The following ARMC9 variants were observed in gnomAD, a reference collection of about 807,000 sequenced individuals.
ARMC9 encodes the protein armadillo repeat containing 9.
Under a neutral mutation model 107.0 loss-of-function variants are expected in ARMC9, and 94 were observed. That is an observed-to-expected ratio of 0.88 (90% CI 0.74 to 1.04). The LOEUF (loss-of-function observed/expected upper bound fraction) is 1.04. Ranked by LOEUF, ARMC9 falls within the 50% of genes least tolerant of loss-of-function variation. The pLI, the probability that ARMC9 is intolerant of heterozygous loss-of-function variation, is 0.00. For missense variants in ARMC9, 942 were observed against 1,030.1 expected (o/e 0.91, Z 1.17); for synonymous variants, 380 against 396.9 (o/e 0.96, Z 0.51).
At chr2:231,242,003 G>T (rs2036344119) in intron 9 of ARMC9, among the ~76,000 whole-genome samples, 1 of 152,068 alleles carries the variant, frequency 6.6e-6, no homozygotes, top group African/African-American at 2.4e-5. Flanking sequence ...GCATATGCAG[G>T]CTAGGAACCA....
intron 20 of ARMC9, among the ~76,000 whole-genome samples, chr2:231,339,531 G>A (rs2044361927): frequency 6.6e-6 from 1 of 152,126 alleles, no homozygotes; most frequent in African/African-American, 2.4e-5. Context: ...CTCCTGGGTG[G>A]CATTAAGCAA....
intron 1 of ARMC9, among the ~76,000 whole-genome samples, chr2:231,205,189 C>CCTGTCTCT (rs1474615304): frequency 6.6e-6 from 1 of 150,660 alleles, no homozygotes; most frequent in Non-Finnish European, 1.5e-5. Context: ...ACCCTGTCTC[C>CCTGTCTCT]CTGTCTCTAC....
chr2:231,341,950 G>A (rs1394390847), intron 20 of ARMC9, among the ~76,000 whole-genome samples: 3 of 152,186 alleles, frequency 2.0e-5, no homozygotes, highest in Non-Finnish European at 4.4e-5. Flanking sequence ...AATGAGTACA[G>A]GTGGATGTGA....
At chr2:231,361,286 G>T (rs1054476236) in intron 23 of ARMC9, among the ~76,000 whole-genome samples, 1 of 152,004 alleles carries the variant, frequency 6.6e-6, no homozygotes, top group Non-Finnish European at 1.5e-5. Context: ...TTGGCTCAGA[G>T]GTCACTTCCT....
At chr2:231,288,256 A>G (rs1470208061) in intron 17 of ARMC9, among the ~76,000 whole-genome samples, 4 of 152,196 alleles carry the variant, frequency 2.6e-5, no homozygotes, top group African/African-American at 9.7e-5. Context: ...AAGAAGCAAC[A>G]TATTATCAGT....
intron 19 of ARMC9, among the ~76,000 whole-genome samples, chr2:231,328,244 T>G (rs1340101897): frequency 2.0e-5 from 3 of 152,206 alleles, no homozygotes. Context: ...CATTTTCTAA[T>G]TAGATTGTTT....
chr2:231,268,786 G>A (rs1291449362), intron 12 of ARMC9, among the ~76,000 whole-genome samples: 1 of 152,044 alleles, frequency 6.6e-6, no homozygotes, highest in South Asian at 2.1e-4. Flanking sequence ...AGCCAGCTGG[G>A]CACAGTGGCT....
intron 19 of ARMC9, among the ~76,000 whole-genome samples, chr2:231,313,501 AT>A (rs1172935717): frequency 6.6e-6 from 1 of 152,222 alleles, no homozygotes; most frequent in African/African-American, 2.4e-5. Context: ...ATACCATAAA[AT>A]TCATCTGTTT....
chr2:231,356,943 A>G (rs1186990762), intron 22 of ARMC9, among the ~76,000 whole-genome samples: 2 of 152,182 alleles, frequency 1.3e-5, no homozygotes, highest in African/African-American at 4.8e-5. Flanking sequence ...AAGGCTCCAC[A>G]GTACATTCAG....
At chr2:231,214,807 T>C (rs752795207) in intron 3 of ARMC9, 24 bp from the exon 4 acceptor site, 2 of 1,609,590 alleles carry the variant, frequency 1.2e-6, no homozygotes, top group Admixed American at 1.7e-5. Flanking sequence ...CAACGAGGTA[T>C]GTAGTCTGAT....
intron 9 of ARMC9, chr2:231,256,356 T>TG: frequency 6.9e-7 from 1 of 1,446,836 alleles, no homozygotes; most frequent in African/African-American, 1.4e-5. Context: ...ACTTGGCCGA[T>TG]GGGAATGGTC....
At chr2:231,253,408 C>G (rs1437414091) in intron 9 of ARMC9, among the ~76,000 whole-genome samples, 1 of 152,136 alleles carries the variant, frequency 6.6e-6, no homozygotes, top group Non-Finnish European at 1.5e-5. Flanking sequence ...GGCCACTGTG[C>G]CTGGCTGATC....
intron 21 of ARMC9, among the ~76,000 whole-genome samples, chr2:231,352,008 C>A (rs115546973): frequency 0.014 from 2,137 of 152,128 alleles, 52 homozygotes; most frequent in African/African-American, 0.049. Flanking sequence ...CGCTCTGTCA[C>A]CCCGGCTGGA....
At chr2:231,321,140 A>G (rs1345938761) in intron 19 of ARMC9, among the ~76,000 whole-genome samples, 1 of 152,232 alleles carries the variant, frequency 6.6e-6, no homozygotes, top group African/African-American at 2.4e-5. Flanking sequence ...AAATGAAACA[A>G]TCCATGTCAA....
At chr2:231,200,952 TG>T (rs1177802363) in intron 1 of ARMC9, among the ~76,000 whole-genome samples, 1 of 151,928 alleles carries the variant, frequency 6.6e-6, no homozygotes, top group Non-Finnish European at 1.5e-5. Context: ...CATGTTTGCC[TG>T]GGGGGGCAGA....
intron 19 of ARMC9, among the ~76,000 whole-genome samples, chr2:231,296,917 T>A (rs1456796852): frequency 1.3e-5 from 2 of 152,206 alleles, no homozygotes; most frequent in Non-Finnish European, 2.9e-5. Flanking sequence ...TGGTCATCCT[T>A]GATTTGCCTG....
intron 3 of ARMC9, among the ~76,000 whole-genome samples, chr2:231,213,822 A>G (rs534730909): frequency 8.7e-4 from 132 of 152,328 alleles, no homozygotes; most frequent in East Asian, 5.8e-4. Context: ...ATGGTGGTAA[A>G]TAACAATGGT....
chr2:231,315,238 C>CA (rs561488611), intron 19 of ARMC9, among the ~76,000 whole-genome samples: 12,906 of 94,238 alleles, frequency 0.14, 1,564 homozygotes, highest in East Asian at 0.36. Flanking sequence ...GACTCTATCT[C>CA]AAAAAAAAAA....
intron 18 of ARMC9, chr2:231,295,841 C>A (rs12623587): frequency 0.43 from 70,465 of 164,054 alleles, 18,397 homozygotes; most frequent in African/African-American, 0.75. Context: ...TAGTCAACAA[C>A]ATATTTGTAA....
Sources: gnomAD v4.1 joint callset for allele counts (sites outside exome capture counted in the v4.1 genomes callset) on GRCh38, gnomAD v4.1.1 for gene constraint, MANE v1.5 for transcripts, NCBI Gene and HGNC (gene_info 2026-07-23, HGNC 2026-07-21) for gene names.